The following RNF150 variants were observed in gnomAD, a reference collection of about 807,000 sequenced individuals.
The protein encoded by RNF150 is ring finger protein 150.
RNF150 carries 24 observed loss-of-function variants against 39.3 expected under a neutral mutation model. The observed-to-expected ratio is 0.61, with a 90% confidence interval of 0.44 to 0.86. The LOEUF (loss-of-function observed/expected upper bound fraction) is 0.86. Among genes scored for constraint, RNF150 ranks in the 40% least tolerant of loss-of-function variants. The pLI, the probability that RNF150 is intolerant of heterozygous loss-of-function variation, is 0.00. For missense variants in RNF150, 502 were observed against 587.8 expected (o/e 0.85, Z 1.51); for synonymous variants, 255 against 227.3 (o/e 1.12, Z -1.10).
At chr4:140,893,648 G>A (rs1393980242) in intron 6 of RNF150, among the ~76,000 whole-genome samples, 1 of 152,096 alleles carries the variant, frequency 6.6e-6, no homozygotes, top group Admixed American at 6.6e-5. Context: ...CTAAGAAGAG[G>A]GGCCACCTGT....
chr4:140,972,262 C>A (rs1021420374), intron 1 of RNF150, among the ~76,000 whole-genome samples: 1 of 151,960 alleles, frequency 6.6e-6, no homozygotes, highest in African/African-American at 2.4e-5. Context: ...CTGCAAAATA[C>A]CATATAAATG....
At chr4:141,207,531 G>A (rs1278920107) in intron 1 of RNF150, among the ~76,000 whole-genome samples, 2 of 152,126 alleles carry the variant, frequency 1.3e-5, no homozygotes, top group Admixed American at 6.5e-5. Context: ...GCACAGAAAC[G>A]AGAGCCTCAG....
intron 1 of RNF150, among the ~76,000 whole-genome samples, chr4:141,204,305 ATCT>A (rs773790501): frequency 6.6e-6 from 1 of 152,178 alleles, no homozygotes; most frequent in Non-Finnish European, 1.5e-5. Context: ...AGTTGTCATA[ATCT>A]ATTGGAAGTG....
intron 1 of RNF150, among the ~76,000 whole-genome samples, chr4:141,171,258 C>G (rs969242428): frequency 6.6e-6 from 1 of 152,120 alleles, no homozygotes; most frequent in Non-Finnish European, 1.5e-5. Context: ...AGGACTGGAC[C>G]CTAGATCTTC....
At chr4:141,065,582 G>A (rs1336310209) in intron 1 of RNF150, among the ~76,000 whole-genome samples, 1 of 151,484 alleles carries the variant, frequency 6.6e-6, no homozygotes, top group Non-Finnish European at 1.5e-5. Flanking sequence ...CGTAGTCTCT[G>A]TAAACCTAAG....
intron 6 of RNF150, among the ~76,000 whole-genome samples, chr4:140,873,872 C>T (rs753703335): frequency 5.9e-5 from 9 of 152,076 alleles, no homozygotes; most frequent in Non-Finnish European, 1.0e-4. Flanking sequence ...GACAGGGTTT[C>T]GTTGTTGCCC....
chr4:140,966,677 A>G (rs1287922983), intron 2 of RNF150, among the ~76,000 whole-genome samples: 1 of 151,764 alleles, frequency 6.6e-6, no homozygotes, highest in East Asian at 1.9e-4. Flanking sequence ...AAAAAAAGTT[A>G]TAATATTCTT....
intron 2 of RNF150, among the ~76,000 whole-genome samples, chr4:140,952,567 A>G (rs939231483): frequency 6.6e-6 from 1 of 152,202 alleles, no homozygotes; most frequent in East Asian, 1.9e-4. Flanking sequence ...CCCTTTTAAA[A>G]TAATGAAGGC....
intron 1 of RNF150, among the ~76,000 whole-genome samples, chr4:141,028,283 T>A (rs1391493990): frequency 6.6e-6 from 1 of 152,210 alleles, no homozygotes; most frequent in Non-Finnish European, 1.5e-5. Context: ...CCTAGGTGAT[T>A]AATCTTTGAT....
chr4:141,208,314 A>G (rs764663544), intron 1 of RNF150, among the ~76,000 whole-genome samples: 3 of 152,182 alleles, frequency 2.0e-5, no homozygotes, highest in Non-Finnish European at 4.4e-5. Flanking sequence ...ATATTCCTCT[A>G]TCTCATTGTT....
intron 1 of RNF150, among the ~76,000 whole-genome samples, chr4:140,984,478 T>C (rs1476511690): frequency 3.9e-5 from 6 of 152,102 alleles, no homozygotes; most frequent in Non-Finnish European, 7.4e-5. Context: ...AAGTCTAGGA[T>C]GGGAAGAAGG....
intron 1 of RNF150, among the ~76,000 whole-genome samples, chr4:141,203,045 C>T (rs1264560754): frequency 7.4e-6 from 1 of 134,504 alleles, no homozygotes; most frequent in African/African-American, 2.8e-5. Flanking sequence ...GTTGGGTGTC[C>T]TCTTGGAGAT....
chr4:141,052,700 T>C (rs1456831509), intron 1 of RNF150, among the ~76,000 whole-genome samples: 1 of 152,046 alleles, frequency 6.6e-6, no homozygotes, highest in Non-Finnish European at 1.5e-5. Context: ...AAATATGAAA[T>C]AGTACAAAAA....
At chr4:141,116,180 G>T (rs931035401) in intron 1 of RNF150, among the ~76,000 whole-genome samples, 13 of 152,152 alleles carry the variant, frequency 8.5e-5, no homozygotes, top group African/African-American at 3.1e-4. Flanking sequence ...CACAGTAAAA[G>T]AAACTATCAT....
chr4:141,027,279 A>G (rs546436588), intron 1 of RNF150, among the ~76,000 whole-genome samples: 1 of 152,386 alleles, frequency 6.6e-6, no homozygotes, highest in South Asian at 2.1e-4. Context: ...AAGTCACGAT[A>G]CATGACAAAA....
At chr4:140,935,205 G>C (rs181864265) in intron 4 of RNF150, among the ~76,000 whole-genome samples, 174 of 150,810 alleles carry the variant, frequency 1.2e-3, no homozygotes, top group African/African-American at 3.9e-3. Context: ...AACAAAGAAA[G>C]GATATCAGAT....
intron 1 of RNF150, among the ~76,000 whole-genome samples, chr4:141,201,546 A>G (rs1560776870): frequency 1.3e-5 from 2 of 151,820 alleles, no homozygotes; most frequent in African/African-American, 2.4e-5. Context: ...AAATTTTTCC[A>G]GGTCACCTTT....
chr4:140,879,403 T>A (rs1365666732), intron 6 of RNF150, among the ~76,000 whole-genome samples: 1 of 146,260 alleles, frequency 6.8e-6, no homozygotes, highest in Non-Finnish European at 1.5e-5. Flanking sequence ...TTAACTTTTT[T>A]AAGCAATGTT....
chr4:141,124,029 A>G (rs1259509071), intron 1 of RNF150, among the ~76,000 whole-genome samples: 1 of 152,178 alleles, frequency 6.6e-6, no homozygotes, highest in Non-Finnish European at 1.5e-5. Context: ...TACATGGCTA[A>G]TATGGACCAA....
Sources: gnomAD v4.1 joint callset for allele counts (sites outside exome capture counted in the v4.1 genomes callset) on GRCh38, gnomAD v4.1.1 for gene constraint, MANE v1.5 for transcripts, NCBI Gene and HGNC (gene_info 2026-07-23, HGNC 2026-07-21) for gene names.